The following GOLGA8B variants were observed in gnomAD, a reference collection of about 807,000 sequenced individuals.
The protein encoded by GOLGA8B is golgin subfamily A member 8B.
GOLGA8B carries 1 observed loss-of-function variant against 15.6 expected under a neutral mutation model. The observed-to-expected ratio is 0.06, with a 90% CI of 0.02 to 0.30. The LOEUF is 0.30. Among genes scored for constraint, GOLGA8B ranks in the 10% least tolerant of loss-of-function variants. The probability of loss-of-function intolerance (pLI) is 1.00; values close to 1 mark genes in which losing one functional copy is unlikely to be tolerated. For missense variants in GOLGA8B, 17 were observed against 201.3 expected (o/e 0.08, Z 5.54); for synonymous variants, 9 against 80.3 (o/e 0.11, Z 4.75).
At position 34,526,905 on chromosome 15, in the gene GOLGA8B, G is replaced by C. The variant is rs1444616577; in HGVS notation, c.*727C>G. The C allele has an allele frequency of 1.3e-5, 2 of 150,230 alleles. No homozygotes were observed. The highest frequency in any genetic ancestry group is 2.9e-5 in the Non-Finnish European group (2 of 67,936). The allele number at this position is 150,230 out of a possible 1,614,324, so 9.3% of individuals were successfully genotyped here. ...AGCACATACAAATCCAAAGGGAACT[G>C]CCACAGTACAGTGCTCATTCTTGGC... On this transcript the variant is annotated 3_prime_UTR_variant, in exon 24 of 24. Coordinates refer to ENST00000683415, the MANE Select transcript of GOLGA8B (RefSeq NM_001023567.5).
At chr15:34,576,726 C>A (rs1477745297) in intron 1 of GOLGA8B, among the ~76,000 whole-genome samples, 2 of 152,220 alleles carry the variant, frequency 1.3e-5, no homozygotes, top group Non-Finnish European at 2.9e-5. Context: ...ATCTAGCAGT[C>A]AGGCCAGGTG....
At chr15:34,557,644 A>ATGTGTGTG (rs780443805) in intron 1 of GOLGA8B, among the ~76,000 whole-genome samples, 4,799 of 76,008 alleles carry the variant, frequency 0.063, 389 homozygotes, top group African/African-American at 0.088. Context: ...GAATTCATGA[A>ATGTGTGTG]TGTGTGTGTG....
chr15:34,570,671 G>A (rs1321863802), intron 1 of GOLGA8B, among the ~76,000 whole-genome samples: 2 of 127,012 alleles, frequency 1.6e-5, no homozygotes. Flanking sequence ...AATACGAGAG[G>A]AAGAATGACA....
intron 1 of GOLGA8B, chr15:34,556,888 G>C (rs532493871): frequency 2.3e-6 from 2 of 862,768 alleles, no homozygotes; most frequent in South Asian, 3.1e-5. Context: ...TACAGGCCTC[G>C]CAGATGCTGA....
At chr15:34,568,868 T>G (rs1888830856) in intron 1 of GOLGA8B, among the ~76,000 whole-genome samples, 1 of 129,940 alleles carries the variant, frequency 7.7e-6, no homozygotes, top group African/African-American at 3.4e-5. Context: ...GGCCCCAGAG[T>G]CAGAAGGGGG....
chr15:34,576,662 C>T (rs1380276060), intron 1 of GOLGA8B, among the ~76,000 whole-genome samples: 1 of 152,198 alleles, frequency 6.6e-6, no homozygotes, highest in African/African-American at 2.4e-5. Context: ...AATGCCATTC[C>T]CGAGAGAATC....
intron 1 of GOLGA8B, among the ~76,000 whole-genome samples, chr15:34,573,194 A>T (rs892252710): frequency 6.6e-6 from 1 of 152,218 alleles, no homozygotes; most frequent in African/African-American, 2.4e-5. Flanking sequence ...TAGTTGTTAA[A>T]GACTTCTCAG....
chr15:34,577,507 T>TACACACACAC (rs71119972), intron 1 of GOLGA8B, among the ~76,000 whole-genome samples: 3 of 125,298 alleles, frequency 2.4e-5, no homozygotes, highest in East Asian at 4.8e-4. Flanking sequence ...TTATATATCA[T>TACACACACAC]ACACACACAC....
At chr15:34,573,477 C>T (rs1888978374) in intron 1 of GOLGA8B, among the ~76,000 whole-genome samples, 1 of 133,382 alleles carries the variant, frequency 7.5e-6, no homozygotes, top group Non-Finnish European at 1.5e-5. Context: ...GTGGAGCTTA[C>T]AGTAAGCCGA....
At chr15:34,580,308 G>C (rs1046549088) in intron 1 of GOLGA8B, among the ~76,000 whole-genome samples, 5 of 152,180 alleles carry the variant, frequency 3.3e-5, no homozygotes, top group Non-Finnish European at 7.3e-5. Context: ...GGGAGAATTT[G>C]AGAAAAATCA....
intron 1 of GOLGA8B, among the ~76,000 whole-genome samples, chr15:34,580,839 C>G (rs991231418): frequency 3.9e-5 from 6 of 152,226 alleles, no homozygotes; most frequent in African/African-American, 1.2e-4. Flanking sequence ...TTGACCTACA[C>G]TGCAGAGGCC....
At chr15:34,583,439 C>A (rs1889306185) in intron 1 of GOLGA8B, 77 bp downstream of exon 1, 1 of 150,424 alleles carries the variant, frequency 6.6e-6, no homozygotes, top group Admixed American at 6.6e-5. Flanking sequence ...CCCCACGCGT[C>A]GGGGTCCCCG....
rs1182358696 is a variant in GOLGA8B at position 34,526,140 on chromosome 15, T to C, written c.*1492A>G. On this transcript the variant is annotated 3_prime_UTR_variant, in exon 24 of 24. Transcript: ENST00000683415. Reference sequence around the variant, plus strand: ...GAAACTGAGAGGTACAAAAACATATTTCACTCTTCGTAAAGAAGTTTGTGA... The same window carrying C: ...GAAACTGAGAGGTACAAAAACATATCTCACTCTTCGTAAAGAAGTTTGTGA... The C allele has an allele frequency of 6.7e-6, 1 of 149,908 alleles. No homozygotes were observed. Among genetic ancestry groups the C allele is most frequent in the Non-Finnish European group, 1.5e-5 (1 of 67,258 alleles). 9.3% of individuals were successfully genotyped at this position (149,908 alleles called of 1,614,324 possible).
intron 1 of GOLGA8B, among the ~76,000 whole-genome samples, chr15:34,581,695 T>C (rs2140359269): frequency 6.6e-6 from 1 of 152,264 alleles, no homozygotes; most frequent in East Asian, 1.9e-4. Flanking sequence ...AATGAGGAGC[T>C]GACGGTCACC....
At chr15:34,580,030 G>C (rs1889188584) in intron 1 of GOLGA8B, among the ~76,000 whole-genome samples, 1 of 152,230 alleles carries the variant, frequency 6.6e-6, no homozygotes, top group African/African-American at 2.4e-5. Flanking sequence ...GGCAATAGGT[G>C]AGGGGCTGGC....
chr15:34,564,659 G>C (rs1295064581), intron 1 of GOLGA8B, among the ~76,000 whole-genome samples: 3 of 145,262 alleles, frequency 2.1e-5, no homozygotes, highest in African/African-American at 7.4e-5. Context: ...TGAATGTTAT[G>C]GTCTTGATTG....
intron 1 of GOLGA8B, among the ~76,000 whole-genome samples, chr15:34,573,080 C>T (rs1197769179): frequency 6.6e-6 from 1 of 152,166 alleles, no homozygotes; most frequent in African/African-American, 2.4e-5. Context: ...AGCAACACCT[C>T]CATCTCAAAA....
At chr15:34,583,011 G>A (rs1485934491) in intron 1 of GOLGA8B, among the ~76,000 whole-genome samples, 1 of 152,152 alleles carries the variant, frequency 6.6e-6, no homozygotes, top group Admixed American at 6.5e-5. Context: ...TATTATACAG[G>A]AAAAGGGAAG....
chr15:34,556,875 G>A, intron 1 of GOLGA8B: 4 of 809,392 alleles, frequency 4.9e-6, no homozygotes, highest in Non-Finnish European at 7.9e-6. Flanking sequence ...AGGGACCTCA[G>A]GGTACAGGCC....
Sources: allele counts gnomAD v4.1 joint callset (sites outside exome capture counted in the v4.1 genomes callset), GRCh38; gene constraint gnomAD v4.1.1; transcripts MANE v1.5; gene names NCBI Gene and HGNC (gene_info 2026-07-23, HGNC 2026-07-21).